ULK4: variants seen among roughly 807,000 people sequenced by gnomAD.
The protein encoded by ULK4 is unc-51 like kinase 4.
ULK4 carries 133 observed loss-of-function variants against 160.6 expected under a neutral mutation model. The ratio of observed to expected loss-of-function variants is 0.83; its 90% CI spans 0.72 to 0.96. ULK4 has a LOEUF of 0.96. Ranked by LOEUF, ULK4 falls within the 40% of genes least tolerant of loss-of-function variation. The probability of loss-of-function intolerance (pLI) is 0.00; values close to 1 mark genes in which losing one functional copy is unlikely to be tolerated. For missense variants in ULK4, 1,580 were observed against 1,499.5 expected (o/e 1.05, Z -0.89); for synonymous variants, 534 against 539.8 (o/e 0.99, Z 0.15).
chr3:41,663,445 G>C (rs889532449), intron 30 of ULK4, among the ~76,000 whole-genome samples, 162 bp downstream of exon 30: 9 of 152,138 alleles, frequency 5.9e-5, no homozygotes. Context: ...AGTCAAAACA[G>C]CATAAATGAC....
intron 5 of ULK4, 96 bp from the exon 6 acceptor site, chr3:41,919,914 G>A: frequency 1.5e-6 from 1 of 653,994 alleles, no homozygotes; most frequent in South Asian, 2.6e-5. Flanking sequence ...AAAAAGGGCA[G>A]GAGAAAAACA....
intron 35 of ULK4, among the ~76,000 whole-genome samples, chr3:41,272,853 C>T (rs931089168): frequency 2.0e-5 from 3 of 152,260 alleles, no homozygotes; most frequent in African/African-American, 7.2e-5. Flanking sequence ...AATATCTAAT[C>T]TACTGTTAAT....
At chr3:41,643,143 C>A (rs987226498) in intron 30 of ULK4, among the ~76,000 whole-genome samples, 7 of 152,066 alleles carry the variant, frequency 4.6e-5, no homozygotes, top group African/African-American at 1.7e-4. Context: ...TTGTAGGTTG[C>A]CTGTTCACTC....
intron 20 of ULK4, among the ~76,000 whole-genome samples, chr3:41,794,664 A>AAAAAAAAAAAG (rs2040245681): frequency 1.0e-5 from 1 of 99,112 alleles, no homozygotes; most frequent in Non-Finnish European, 2.0e-5. Flanking sequence ...CTGTCTCAAA[A>AAAAAAAAAAAG]AAAAAAAAAA....
At chr3:41,554,625 A>G (rs2087216949) in intron 32 of ULK4, among the ~76,000 whole-genome samples, 2 of 152,166 alleles carry the variant, frequency 1.3e-5, no homozygotes, top group Non-Finnish European at 2.9e-5. Flanking sequence ...GATGGAAGGA[A>G]TAAGTTCGGT....
intron 32 of ULK4, among the ~76,000 whole-genome samples, chr3:41,485,844 G>A (rs1333695269): frequency 6.6e-6 from 1 of 152,114 alleles, no homozygotes; most frequent in Admixed American, 6.5e-5. Flanking sequence ...AAGTTATAAG[G>A]GGACTTCTAA....
intron 19 of ULK4, among the ~76,000 whole-genome samples, chr3:41,800,675 TA>T (rs2040432134): frequency 6.6e-6 from 1 of 152,150 alleles, no homozygotes; most frequent in Non-Finnish European, 1.5e-5. Context: ...GCAGGCAGAA[TA>T]ATCCTCAGAA....
Position 41,961,550 on chromosome 3 carries a change from A to ACCCCC in ULK4, c.-49+461_-49+465dup, listed in dbSNP as rs201424516. On this transcript the variant is annotated intron_variant, in intron 1 of 36. Transcript: ENST00000301831. ...ACTCAGGGGCGCTACGTAGTCACTCACCCCCCCCCCCCCCCCCCCCGCTCC... is the reference window on the plus strand; with the variant it reads ...ACTCAGGGGCGCTACGTAGTCACTCACCCCCCCCCCCCCCCCCCCCCCCCCGCTCC... Among the ~76,000 whole-genome samples the ACCCCC allele has an allele frequency of 1.6e-3, 201 of 124,490 alleles. 33 individuals carry two copies. Among genetic ancestry groups the ACCCCC allele is most frequent in the African/African-American group, 7.8e-3 (182 of 23,326 alleles). The allele number at this position is 124,490 out of a possible 152,430, so 81.7% of individuals were successfully genotyped here. A position where few individuals can be genotyped will look rare whatever the true frequency, so the allele number is the denominator to read the frequency against.
chr3:41,946,359 G>GT (rs1336456309), intron 2 of ULK4, among the ~76,000 whole-genome samples: 1 of 152,094 alleles, frequency 6.6e-6, no homozygotes, highest in Non-Finnish European at 1.5e-5. Flanking sequence ...AATGATAGAA[G>GT]TAAGAACAGT....
chr3:41,926,579 T>C (rs1042631301), intron 5 of ULK4, among the ~76,000 whole-genome samples: 3 of 152,076 alleles, frequency 2.0e-5, no homozygotes, highest in Non-Finnish European at 2.9e-5. Flanking sequence ...TCTAACCCAA[T>C]GCAAGGAAGC....
intron 31 of ULK4, among the ~76,000 whole-genome samples, chr3:41,614,420 C>T (rs1399896174): frequency 2.6e-5 from 4 of 152,208 alleles, no homozygotes; most frequent in African/African-American, 9.6e-5. Flanking sequence ...AACAAATTGG[C>T]AAATAATGTG....
chr3:41,326,630 T>C (rs2125736198), intron 35 of ULK4, among the ~76,000 whole-genome samples: 1 of 152,288 alleles, frequency 6.6e-6, no homozygotes, highest in African/African-American at 2.4e-5. Flanking sequence ...AAAGGTTACC[T>C]GAAATGTGTT....
At chr3:41,645,133 T>G (rs1421998269) in intron 30 of ULK4, among the ~76,000 whole-genome samples, 1 of 152,146 alleles carries the variant, frequency 6.6e-6, no homozygotes, top group Admixed American at 6.5e-5. Flanking sequence ...GTTGATCTTT[T>G]CAAAAAACCA....
intron 30 of ULK4, among the ~76,000 whole-genome samples, chr3:41,619,318 A>G (rs2033130899): frequency 1.3e-5 from 2 of 152,178 alleles, no homozygotes; most frequent in Admixed American, 6.5e-5. Flanking sequence ...TCAACAGACT[A>G]TACATTCTTC....
chr3:41,959,847 G>A (rs1256472781), intron 1 of ULK4, among the ~76,000 whole-genome samples: 1 of 152,118 alleles, frequency 6.6e-6, no homozygotes, highest in Admixed American at 6.6e-5. Context: ...ACCAAAATAA[G>A]ATTAAACTGA....
At chr3:41,588,550 G>A (rs774309543) in intron 31 of ULK4, among the ~76,000 whole-genome samples, 25 of 152,186 alleles carry the variant, frequency 1.6e-4, no homozygotes, top group Non-Finnish European at 3.4e-4. Flanking sequence ...CAGGTCTCCT[G>A]TCTGCTAGCC....
chr3:41,898,557 T>C (rs1698246907), intron 13 of ULK4, 65 bp from the exon 14 acceptor site: 3 of 918,330 alleles, frequency 3.3e-6, no homozygotes, highest in Non-Finnish European at 1.7e-6. Context: ...TCTCCTTATA[T>C]GTCCCTTATG....
intron 32 of ULK4, among the ~76,000 whole-genome samples, chr3:41,550,164 C>G (rs1262115054): frequency 6.6e-6 from 1 of 151,800 alleles, no homozygotes; most frequent in South Asian, 2.1e-4. Flanking sequence ...AATTCAAATG[C>G]AAGCATAACA....
chr3:41,875,609 A>C (rs1697267823), intron 17 of ULK4, among the ~76,000 whole-genome samples: 1 of 152,180 alleles, frequency 6.6e-6, no homozygotes, highest in Non-Finnish European at 1.5e-5. Flanking sequence ...CAACACAATG[A>C]GACTGCATCT....
Sources: allele counts gnomAD v4.1 joint callset (sites outside exome capture counted in the v4.1 genomes callset), GRCh38; gene constraint gnomAD v4.1.1; transcripts MANE v1.5; gene names NCBI Gene and HGNC (gene_info 2026-07-23, HGNC 2026-07-21).